Variants in CAMK2D observed in about 807,000 individuals in gnomAD.
CAMK2D encodes the protein calcium/calmodulin-dependent protein kinase type II subunit delta.
Under a neutral mutation model 84.0 loss-of-function variants are expected in CAMK2D, and 37 were observed. That is an observed-to-expected ratio of 0.44 (90% CI 0.34 to 0.58). CAMK2D has a LOEUF of 0.58. Ranked by LOEUF, CAMK2D falls within the 20% of genes least tolerant of loss-of-function variation. The pLI, the probability that CAMK2D is intolerant of heterozygous loss-of-function variation, is 0.02. For missense variants in CAMK2D, 448 were observed against 652.5 expected, an observed-to-expected ratio of 0.69 and a Z score of 3.41; for synonymous variants, 202 against 212.5, an observed-to-expected ratio of 0.95 and a Z score of 0.43.
At chr4:113,575,697 C>CA (rs1199801940) in intron 4 of CAMK2D, among the ~76,000 whole-genome samples, 1 of 152,054 alleles carries the variant, frequency 6.6e-6, no homozygotes, top group Non-Finnish European at 1.5e-5. Context: ...ATGTCTTTGT[C>CA]TTTTTTGGTC....
intron 3 of CAMK2D, among the ~76,000 whole-genome samples, chr4:113,654,795 CTAGA>C (rs2099191371): frequency 1.3e-5 from 2 of 151,786 alleles, no homozygotes; most frequent in Admixed American, 1.3e-4. Flanking sequence ...AGAGTTTATG[CTAGA>C]TAATGTATAG....
At chr4:113,707,660 C>T (rs2099465085) in intron 2 of CAMK2D, among the ~76,000 whole-genome samples, 1 of 152,160 alleles carries the variant, frequency 6.6e-6, no homozygotes, top group South Asian at 2.1e-4. Context: ...GACAAATATA[C>T]TAAAATGCAT....
At chr4:113,666,616 C>T (rs563707438) in intron 2 of CAMK2D, among the ~76,000 whole-genome samples, 4 of 152,066 alleles carry the variant, frequency 2.6e-5, no homozygotes, top group East Asian at 3.9e-4. Context: ...CACACGCACA[C>T]GCAGGCACAC....
intron 3 of CAMK2D, among the ~76,000 whole-genome samples, chr4:113,650,998 C>T (rs1461761894): frequency 6.6e-6 from 1 of 152,190 alleles, no homozygotes; most frequent in Non-Finnish European, 1.5e-5. Context: ...TTAAAACACA[C>T]AATAGCCCAT....
chr4:113,709,745 C>CTATATATATATATATATATATA (rs1554070590), intron 2 of CAMK2D, among the ~76,000 whole-genome samples: 17 of 24,632 alleles, frequency 6.9e-4, no homozygotes, highest in African/African-American at 4.0e-3. Flanking sequence ...AAGCCGTGAA[C>CTATATATATATATATATATATA]GATATATATA....
intron 2 of CAMK2D, among the ~76,000 whole-genome samples, chr4:113,691,063 T>C (rs1187019902): frequency 2.0e-5 from 3 of 152,168 alleles, no homozygotes; most frequent in Admixed American, 6.6e-5. Context: ...CAACACAGAA[T>C]ATTCCTTAAT....
At chr4:113,721,927 T>C (rs1307396756) in intron 2 of CAMK2D, among the ~76,000 whole-genome samples, 1 of 152,174 alleles carries the variant, frequency 6.6e-6, no homozygotes. Flanking sequence ...CTATTTGTTC[T>C]TCCCACAGGA....
At chr4:113,544,155 A>AT (rs1271675125) in intron 6 of CAMK2D, among the ~76,000 whole-genome samples, 1 of 151,950 alleles carries the variant, frequency 6.6e-6, no homozygotes, top group Non-Finnish European at 1.5e-5. Flanking sequence ...TACCTTACTG[A>AT]TTTTCTAAAT....
chr4:113,692,696 A>G (rs1210111360), intron 2 of CAMK2D, among the ~76,000 whole-genome samples: 1 of 151,930 alleles, frequency 6.6e-6, no homozygotes, highest in Non-Finnish European at 1.5e-5. Context: ...ATACATACAT[A>G]TATTCATACA....
rs1553930374 is a variant in CAMK2D at position 113,526,414 on chromosome 4, A to ATATGTGTGTGTGTGTG, written c.601+4801_601+4802insCACACACACACACATA. ...ATAAGTTTCTAAGGAGTCATTCTTGATGTGTGTGTGTGTGTGTGTGTGTGT... is the reference window on the plus strand; with the variant it reads ...ATAAGTTTCTAAGGAGTCATTCTTGATATGTGTGTGTGTGTGTGTGTGTGTGTGTGTGTGTGTGTGT... On this transcript the variant is annotated intron_variant, in intron 8 of 20. Coordinates refer to ENST00000511664, the MANE Select transcript of CAMK2D (RefSeq NM_001321571.2). 2.9e-3 allele frequency among the ~76,000 whole-genome samples: 439 copies of ATATGTGTGTGTGTGTG among 149,674 alleles called. 3 individuals are homozygous for ATATGTGTGTGTGTGTG. Among genetic ancestry groups the ATATGTGTGTGTGTGTG allele is most frequent in the African/African-American group, 0.01 (414 of 40,500 alleles).
At chr4:113,643,832 T>C (rs1161067537) in intron 3 of CAMK2D, among the ~76,000 whole-genome samples, 6 of 152,330 alleles carry the variant, frequency 3.9e-5, no homozygotes, top group Non-Finnish European at 8.8e-5. Context: ...CTCTGAGTAA[T>C]ATCAGACTAC....
At chr4:113,595,885 T>G (rs2098923771) in intron 4 of CAMK2D, among the ~76,000 whole-genome samples, 1 of 152,224 alleles carries the variant, frequency 6.6e-6, no homozygotes, top group Non-Finnish European at 1.5e-5. Context: ...CTAGGGTGGC[T>G]GTCGTAGGTT....
chr4:113,759,936 G>C (rs74443563), intron 1 of CAMK2D, among the ~76,000 whole-genome samples: 2 of 152,110 alleles, frequency 1.3e-5, no homozygotes, highest in Non-Finnish European at 2.9e-5. Flanking sequence ...GGGGAGGGGA[G>C]AGATTTGAAT....
At chr4:113,490,828 T>A (rs1255089218) in intron 16 of CAMK2D, among the ~76,000 whole-genome samples, 1 of 108,928 alleles carries the variant, frequency 9.2e-6, no homozygotes, top group Non-Finnish European at 1.9e-5. Flanking sequence ...TGAGCAGTGG[T>A]TTGTAGTTCT....
At chr4:113,673,257 T>A (rs1197967237) in intron 2 of CAMK2D, among the ~76,000 whole-genome samples, 1 of 152,214 alleles carries the variant, frequency 6.6e-6, no homozygotes, top group Non-Finnish European at 1.5e-5. Flanking sequence ...CTACTACCTA[T>A]TTTAAATCTG....
chr4:113,746,519 C>G (rs927731294), intron 2 of CAMK2D, among the ~76,000 whole-genome samples: 12 of 152,114 alleles, frequency 7.9e-5, no homozygotes, highest in Non-Finnish European at 1.5e-4. Context: ...AATTGGTTCT[C>G]TGTCAATATA....
intron 3 of CAMK2D, among the ~76,000 whole-genome samples, chr4:113,659,986 C>A (rs959121403): frequency 2.0e-5 from 3 of 152,076 alleles, no homozygotes; most frequent in Admixed American, 6.5e-5. Context: ...TCATTTAAGA[C>A]CCTAAGATGC....
intron 2 of CAMK2D, among the ~76,000 whole-genome samples, chr4:113,683,398 C>T (rs994265021): frequency 6.6e-6 from 1 of 152,132 alleles, no homozygotes; most frequent in Non-Finnish European, 1.5e-5. Flanking sequence ...GGTTACTAGA[C>T]AGTTGAATGA....
chr4:113,741,723 A>G lies in CAMK2D; in HGVS notation c.160+17597T>C, dbSNP rs777637169. Among the ~76,000 whole-genome samples the G allele has an allele frequency of 6.8e-4, 103 of 152,266 alleles. 1 individual carries two copies. The highest frequency in any genetic ancestry group is 2.7e-3 in the South Asian group (13 of 4,826). ...TAAACGGCTTATCAATGCATTTAAA[A>G]TAAGATCCAAATTCCTTAACTTGGC... On this transcript the variant is annotated intron_variant, in intron 2 of 20. Transcript: ENST00000511664.
Sources: allele counts gnomAD v4.1 joint callset (sites outside exome capture counted in the v4.1 genomes callset), GRCh38; gene constraint gnomAD v4.1.1; transcripts MANE v1.5; gene names NCBI Gene and HGNC (gene_info 2026-07-23, HGNC 2026-07-21).